The following PRDM11 variants were observed in gnomAD, a reference collection of about 807,000 sequenced individuals.
The protein encoded by PRDM11 is PR/SET domain 11.
A neutral mutation model predicts 97.8 loss-of-function variants in PRDM11; 20 were observed. The observed-to-expected ratio is 0.20, with a 90% CI of 0.14 to 0.30. The LOEUF (loss-of-function observed/expected upper bound fraction) is 0.30, where lower values mean the gene tolerates loss of function less well. Ranked by LOEUF, PRDM11 falls within the 10% of genes least tolerant of loss-of-function variation. The pLI, the probability that PRDM11 is intolerant of heterozygous loss-of-function variation, is 1.00. For synonymous variants in PRDM11, 599 were observed against 637.7 expected (o/e 0.94, Z 0.91); for missense variants, 1,139 against 1,555.2 (o/e 0.73, Z 4.50).
chr11:45,181,895 C>T lies in PRDM11; in HGVS notation c.119+10C>T, dbSNP rs1368888329. On this transcript the variant is annotated intron_variant, in intron 2 of 7. Transcript: ENST00000683152. ...AGTATGGCCAGCCCTGGTGAGGCCC[C>T]TGTGTGGGAACTGGAGAGGGAGAAG... 6.2e-7 allele frequency: 1 copy of T among 1,608,156 alleles called. No individual in the cohort carries two copies.
At position 45,233,789 on chromosome 11, in the gene PRDM11, C is replaced by A. The variant is rs1194691673; in HGVS notation, c.*5630C>A. ...GCAGGGGGCATCAGCTAGCAGGAAA[C>A]GGTGGGAGAGACATATCTGCACACT... On this transcript the variant is annotated 3_prime_UTR_variant, in exon 8 of 8. Transcript: ENST00000683152. 1 of 152,338 alleles carries A rather than the reference C, an allele frequency of 6.6e-6. No individual in the cohort carries two copies. Among genetic ancestry groups the A allele is most frequent in the Non-Finnish European group, 1.5e-5 (1 of 68,130 alleles). The allele number at this position is 152,338 out of a possible 1,614,324, so 9.4% of individuals were successfully genotyped here.
intron 1 of PRDM11, among the ~76,000 whole-genome samples, chr11:45,179,245 G>C (rs1335729598): frequency 6.6e-6 from 1 of 152,146 alleles, no homozygotes; most frequent in Non-Finnish European, 1.5e-5. Flanking sequence ...ATAAATCCCA[G>C]CCAATGGAGA....
intron 1 of PRDM11, among the ~76,000 whole-genome samples, chr11:45,115,137 T>TA (rs1390947765): frequency 7.1e-6 from 1 of 140,182 alleles, no homozygotes; most frequent in Non-Finnish European, 1.6e-5. Flanking sequence ...ATAATGTATA[T>TA]AGCATGTGTG....
At chr11:45,203,180 C>G (rs1454531972) in intron 4 of PRDM11, among the ~76,000 whole-genome samples, 1 of 152,158 alleles carries the variant, frequency 6.6e-6, no homozygotes, top group Admixed American at 6.5e-5. Context: ...TCCCATCTCC[C>G]AGGAGTTCTC....
chr11:45,204,480 T>C (rs1481829354), intron 4 of PRDM11, among the ~76,000 whole-genome samples: 3 of 152,146 alleles, frequency 2.0e-5, no homozygotes, highest in South Asian at 2.1e-4. Context: ...GGGCTTTGTG[T>C]GTCTAGGAGA....
chr11:45,103,676 A>G (rs1389801247), intron 1 of PRDM11, among the ~76,000 whole-genome samples: 1 of 150,574 alleles, frequency 6.6e-6, no homozygotes, highest in Non-Finnish European at 1.5e-5. Flanking sequence ...TGAGTTGTAC[A>G]CAAAGTTTGT....
At chr11:45,206,561 G>A (rs1015756655) in intron 5 of PRDM11, among the ~76,000 whole-genome samples, 14 of 152,182 alleles carry the variant, frequency 9.2e-5, no homozygotes, top group African/African-American at 3.4e-4. Context: ...CCATAGAACC[G>A]AATCTGTTCC....
chr11:45,164,465 T>C (rs1316318279), intron 1 of PRDM11, among the ~76,000 whole-genome samples: 2 of 152,174 alleles, frequency 1.3e-5, no homozygotes, highest in African/African-American at 2.4e-5. Flanking sequence ...TCATTTCCCA[T>C]CTGGGGGCGT....
Position 45,227,767 on chromosome 11 carries a change from T to C in PRDM11, c.3142T>C (p.Tyr1048His). ...GGAGTGGCGAGAACTCAAGGCTGATTACTACACCAAAAATGGCTTCAAAGA... is the reference window on the plus strand; with the variant it reads ...GGAGTGGCGAGAACTCAAGGCTGATCACTACACCAAAAATGGCTTCAAAGA... ...LMEWRELKAD[Y>H]YTKNGFKDLI... Residue 1048 changes from tyrosine (Y) to histidine (H), a missense_variant, in exon 8 of 8, where the codon TAC (tyrosine) becomes CAC (histidine). Around this residue, in one of 2 missense-constraint regions of PRDM11, gnomAD observed 710 missense variants for 1,044.9 expected, o/e 0.68. Transcript: ENST00000683152. The surrounding 1 kb of genome is among the most constrained non-coding windows in gnomAD (Gnocchi z 8.0). 3 of 1,533,884 alleles carry C rather than the reference T, an allele frequency of 2.0e-6. No individual in the cohort carries two copies. Among genetic ancestry groups the C allele is most frequent in the South Asian group, 1.2e-5 (1 of 83,954 alleles).
chr11:45,193,558 A>G (rs916303430), intron 4 of PRDM11, among the ~76,000 whole-genome samples: 3 of 152,244 alleles, frequency 2.0e-5, no homozygotes, highest in African/African-American at 7.2e-5. Flanking sequence ...TGTTCCAATA[A>G]AAGTTTATTT....
At chr11:45,138,955 A>G (rs1042278960) in intron 1 of PRDM11, among the ~76,000 whole-genome samples, 12 of 152,240 alleles carry the variant, frequency 7.9e-5, no homozygotes, top group African/African-American at 2.7e-4. Flanking sequence ...TGCTATCCTT[A>G]ATATGTAAAC....
chr11:45,225,249 A>C lies in PRDM11; in HGVS notation c.1369+406A>C, dbSNP rs189968740. Among the ~76,000 whole-genome samples the C allele has an allele frequency of 1.0e-3, 153 of 152,288 alleles. 1 individual carries two copies. The highest frequency in any genetic ancestry group is 3.5e-3 in the African/African-American group (144 of 41,562). ...CTTCCCTAACTTAGTCCAGGAACAC[A>C]GCCTTGTTCTTCTCTTCCTGAATCT... On this transcript the variant is annotated intron_variant, in intron 7 of 7. Transcript: ENST00000683152.
upstream of PRDM11, among the ~76,000 whole-genome samples, chr11:45,143,246 T>C (rs1335601233): frequency 2.0e-5 from 3 of 152,162 alleles, no homozygotes; most frequent in East Asian, 5.8e-4. Context: ...TGGAAGTGAA[T>C]CCCCAGTGAC....
intron 1 of PRDM11, among the ~76,000 whole-genome samples, chr11:45,134,725 AAGAAT>A (rs1852799973): frequency 2.3e-5 from 3 of 130,934 alleles, no homozygotes; most frequent in Non-Finnish European, 5.1e-5. Flanking sequence ...AAAAAAAAAA[AAGAAT>A]AGTATTTCAA....
chr11:45,226,737 C>T lies in PRDM11; in HGVS notation c.2112C>T (p.Ser704=). The T allele has an allele frequency of 6.5e-7, 1 of 1,534,002 alleles. No homozygotes were observed. The highest frequency in any genetic ancestry group is 8.7e-7 in the Non-Finnish European group (1 of 1,146,736). The part of the protein sequence containing the change: ...LQELGFSSTE[S]YLQALDRAFS... ...AGCTGGGATTCTCTAGCACAGAAAG[C>T]TATCTCCAGGCACTTGACCGGGCCT... The change falls in exon 8 of 8, where the codon AGC becomes AGT. Residue 704 remains serine, a synonymous_variant. Transcript: ENST00000683152.
intron 1 of PRDM11, among the ~76,000 whole-genome samples, chr11:45,113,398 T>C: frequency 6.6e-6 from 1 of 152,194 alleles, no homozygotes; most frequent in East Asian, 1.9e-4. Flanking sequence ...TGCTTCCAGA[T>C]TTGTTCTTTT....
rs1395893539 is a variant in PRDM11 at position 45,227,729 on chromosome 11, G to T, written c.3104G>T (p.Gly1035Val). The T allele has an allele frequency of 2.0e-6, 3 of 1,533,816 alleles. No homozygotes were observed. The highest frequency in any genetic ancestry group is 2.0e-5 in the Admixed American group (1 of 50,976). Residue 1035 changes from glycine (G) to valine (V), a missense_variant, in exon 8 of 8, where the codon GGT (glycine) becomes GTT (valine). Around this residue, in one of 2 missense-constraint regions of PRDM11, gnomAD observed 710 missense variants for 1,044.9 expected, o/e 0.68. Transcript: ENST00000683152. The surrounding 1 kb of genome is among the most constrained non-coding windows in gnomAD (Gnocchi z 8.0). ...TGTAGGGAAGGGCTGGACCCCCGGG[G>T]TAGTCTGTTGATGGAGTGGCGAGAA... is the stretch of plus-strand genomic sequence containing the variant. ...DVCREGLDPR[G>V]SLLMEWRELK...
chr11:45,162,400 G>C (rs999637426), intron 1 of PRDM11, among the ~76,000 whole-genome samples: 3 of 152,098 alleles, frequency 2.0e-5, no homozygotes, highest in Admixed American at 6.5e-5. Context: ...CTCTGAGCTA[G>C]TGGATGCAGA....
intron 1 of PRDM11, among the ~76,000 whole-genome samples, chr11:45,153,971 T>C (rs1851726481): frequency 6.6e-6 from 1 of 152,176 alleles, no homozygotes; most frequent in Non-Finnish European, 1.5e-5. Context: ...TTTCCAATCT[T>C]CTTAAGAAAA....
Sources: allele counts gnomAD v4.1 joint callset (sites outside exome capture counted in the v4.1 genomes callset), GRCh38; gene constraint gnomAD v4.1.1; regional missense constraint gnomAD v4.1.1; non-coding constraint Gnocchi (gnomAD v3.1); transcripts MANE v1.5; gene names NCBI Gene and HGNC (gene_info 2026-07-23, HGNC 2026-07-21).